RHCE: variants seen among roughly 807,000 people sequenced by gnomAD.
RHCE encodes blood group Rh(CE) polypeptide.
RHCE carries 22 observed loss-of-function variants against 43.8 expected under a neutral mutation model. The observed-to-expected ratio is 0.50, with a 90% confidence interval of 0.36 to 0.72. The LOEUF (loss-of-function observed/expected upper bound fraction) is 0.72. Ranked by LOEUF, RHCE falls within the 30% of genes least tolerant of loss-of-function variation. RHCE has a pLI of 0.00. For missense variants in RHCE, 385 were observed against 525.4 expected, an observed-to-expected ratio of 0.73 and a Z score of 2.61; for synonymous variants, 156 against 210.7, an observed-to-expected ratio of 0.74 and a Z score of 2.25.
intron 4 of RHCE, among the ~76,000 whole-genome samples, chr1:25,391,707 T>C (rs1184840149): frequency 6.6e-6 from 1 of 152,202 alleles, no homozygotes; most frequent in East Asian, 1.9e-4. Context: ...ACTTGTCCGT[T>C]TCCCTCCTTT....
intron 1 of RHCE, among the ~76,000 whole-genome samples, chr1:25,410,086 G>A (rs1647027186): frequency 1.3e-5 from 2 of 152,016 alleles, no homozygotes; most frequent in South Asian, 4.1e-4. Context: ...TAATAGAGAA[G>A]GGGTTTCACT....
chr1:25,402,068 G>C (rs1324754467), intron 3 of RHCE, among the ~76,000 whole-genome samples: 1 of 151,896 alleles, frequency 6.6e-6, no homozygotes, highest in African/African-American at 2.4e-5. Flanking sequence ...GTAGAGATGA[G>C]GTTCCCCCAT....
intron 3 of RHCE, among the ~76,000 whole-genome samples, chr1:25,394,808 G>T (rs1349204808): frequency 6.6e-6 from 1 of 152,150 alleles, no homozygotes; most frequent in Non-Finnish European, 1.5e-5. Flanking sequence ...AGCTCCACCA[G>T]GAAGGACTTC....
At chr1:25,392,556 C>T (rs1229366898) in intron 3 of RHCE, among the ~76,000 whole-genome samples, 2 of 144,398 alleles carry the variant, frequency 1.4e-5, no homozygotes, top group Non-Finnish European at 1.5e-5. Flanking sequence ...CCACTGTGCC[C>T]GGCCTCTTTT....
At chr1:25,401,583 C>T (rs1646744359) in intron 3 of RHCE, among the ~76,000 whole-genome samples, 1 of 152,216 alleles carries the variant, frequency 6.6e-6, no homozygotes, top group African/African-American at 2.4e-5. Flanking sequence ...TCACAGCTGC[C>T]TTCAAACTTA....
intron 7 of RHCE, among the ~76,000 whole-genome samples, chr1:25,380,392 G>C (rs1016109525): frequency 3.1e-4 from 46 of 148,892 alleles, no homozygotes; most frequent in African/African-American, 1.1e-3. Flanking sequence ...CTTCGCACAG[G>C]TTGGAGTCTC....
At chr1:25,402,990 C>A (rs1646806291) in intron 2 of RHCE, among the ~76,000 whole-genome samples, 1 of 144,130 alleles carries the variant, frequency 6.9e-6, no homozygotes, top group Admixed American at 6.9e-5. Flanking sequence ...CTCTGTGCCT[C>A]AGTGCCTTCA....
rs147094099 is a variant in RHCE, at chr1:25,389,097, G to A, written c.818C>T (p.Ala273Val). The change falls in exon 6 of 10, where the codon GCG (alanine) becomes GTG (valine). Residue 273 changes from alanine to valine, a missense_variant. Coordinates refer to ENST00000294413, the MANE Select transcript of RHCE (RefSeq NM_020485.8). ...RKISMTYVHS[A>V]VLAGGVAVGT... ...CACAGCCACGCCTCCTGCCAACACC[G>A]CACTGTGCACATAAGTCTGCAAAGA... 220 of 1,613,978 alleles carry A rather than the reference G, an allele frequency of 1.4e-4. No homozygotes were observed. The African/African-American group carries it at 2.2e-3, about 16-fold the overall frequency.
intron 7 of RHCE, among the ~76,000 whole-genome samples, chr1:25,384,761 G>T (rs1646100314): frequency 6.6e-6 from 1 of 152,182 alleles, no homozygotes; most frequent in South Asian, 2.1e-4. Context: ...ACCTGCTTCA[G>T]CCATTTTTAC....
intron 7 of RHCE, among the ~76,000 whole-genome samples, chr1:25,383,082 G>C (rs1421664467): frequency 3.3e-5 from 5 of 152,210 alleles, no homozygotes; most frequent in African/African-American, 1.2e-4. Flanking sequence ...GAAGGGTGCA[G>C]AGATTCTCAG....
At chr1:25,422,189 A>T (rs956464675), upstream of RHCE, among the ~76,000 whole-genome samples, 5 of 152,194 alleles carry the variant, frequency 3.3e-5, no homozygotes, top group African/African-American at 1.2e-4. Flanking sequence ...GAAGGAAAAA[A>T]CTGAGACTAA....
intron 3 of RHCE, chr1:25,398,723 G>A: frequency 6.3e-7 from 1 of 1,599,504 alleles, no homozygotes; most frequent in South Asian, 1.1e-5. Context: ...GGAACGAGAT[G>A]GCGGTTCTCT....
At chr1:25,412,089 C>G (rs1647098215) in intron 1 of RHCE, among the ~76,000 whole-genome samples, 1 of 152,224 alleles carries the variant, frequency 6.6e-6, no homozygotes, top group Non-Finnish European at 1.5e-5. Context: ...GAAAGCCCCA[C>G]AACTTGGAGA....
At chr1:25,401,032 A>C (rs1646722678) in intron 3 of RHCE, among the ~76,000 whole-genome samples, 1 of 152,186 alleles carries the variant, frequency 6.6e-6, no homozygotes, top group South Asian at 2.1e-4. Context: ...TTGCCCCTTC[A>C]GTCTTTTCTG....
At chr1:25,417,319 G>A (rs1310077682) in intron 1 of RHCE, among the ~76,000 whole-genome samples, 1 of 152,032 alleles carries the variant, frequency 6.6e-6, no homozygotes, top group African/African-American at 2.4e-5. Flanking sequence ...ATTCAATTAA[G>A]TGGATTGACA....
intron 2 of RHCE, among the ~76,000 whole-genome samples, chr1:25,406,770 C>T (rs1204469916): frequency 8.5e-6 from 1 of 117,412 alleles, no homozygotes; most frequent in Non-Finnish European, 1.9e-5. Flanking sequence ...GGACTACAGG[C>T]GCCCGCCACC....
At chr1:25,409,042 G>C (rs1472912545) in intron 1 of RHCE, among the ~76,000 whole-genome samples, 173 bp from the exon 2 acceptor site, 1 of 123,258 alleles carries the variant, frequency 8.1e-6, no homozygotes, top group Non-Finnish European at 1.8e-5. Flanking sequence ...CTGAATAATG[G>C]GGATAACATA....
chr1:25,422,794 G>A (rs2042776553), upstream of RHCE, among the ~76,000 whole-genome samples: 1 of 152,180 alleles, frequency 6.6e-6, no homozygotes, highest in Non-Finnish European at 1.5e-5. Context: ...AGGTTGGAGG[G>A]ATGGTGTGGG....
Position 25,392,212 on chromosome 1 carries a change from G to A in RHCE, c.487-71C>T, listed in dbSNP as rs181678482. ...CCAGGGGAAAGCCCTGATGGTCCTT[G>A]GAGAAAGTTCAGAGCTTCACTTAGG... is the stretch of plus-strand genomic sequence containing the variant. On this transcript the variant is annotated intron_variant, in intron 3 of 9. Coordinates refer to ENST00000294413, the MANE Select transcript of RHCE (RefSeq NM_020485.8). 2.2e-3 allele frequency: 3,556 copies of A among 1,612,084 alleles called. 11 individuals are homozygous for A. Among genetic ancestry groups the A allele is most frequent in the Non-Finnish European group, 2.7e-3 (3,181 of 1,178,462 alleles).
Sources: gnomAD v4.1 joint callset for allele counts (sites outside exome capture counted in the v4.1 genomes callset) on GRCh38, gnomAD v4.1.1 for gene constraint, MANE v1.5 for transcripts, NCBI Gene and HGNC (gene_info 2026-07-23, HGNC 2026-07-21) for gene names.